The following UBE3C variants were observed in gnomAD, a reference collection of about 807,000 sequenced individuals.
The protein encoded by UBE3C is ubiquitin protein ligase E3C.
UBE3C carries 42 observed loss-of-function variants against 129.4 expected under a neutral mutation model. That is an observed-to-expected ratio of 0.32 (90% confidence interval 0.25 to 0.42). The LOEUF is 0.42. UBE3C is among the 10% of genes least tolerant of loss of function. The probability of loss-of-function intolerance (pLI) is 1.00; values close to 1 mark genes in which losing one functional copy is unlikely to be tolerated. For missense variants in UBE3C, 1,049 were observed against 1,319.1 expected, an observed-to-expected ratio of 0.80 and a Z score of 3.17; for synonymous variants, 510 against 492.4, an observed-to-expected ratio of 1.04 and a Z score of -0.47.
chr7:157,225,586 G>T, intron 17 of UBE3C, 47 bp downstream of exon 17: 1 of 1,503,130 alleles, frequency 6.7e-7, no homozygotes, highest in South Asian at 1.4e-5. Flanking sequence ...GGAGGCTAGG[G>T]AATTGTTTTA....
intron 22 of UBE3C, among the ~76,000 whole-genome samples, chr7:157,262,281 G>GA (rs530707082): frequency 2.1e-4 from 31 of 145,054 alleles, no homozygotes; most frequent in East Asian, 1.2e-3. Context: ...ACTATAATTA[G>GA]AAAAAAAAAG....
At chr7:157,161,743 T>C (rs1240848864) in intron 1 of UBE3C, among the ~76,000 whole-genome samples, 1 of 152,074 alleles carries the variant, frequency 6.6e-6, no homozygotes, top group Non-Finnish European at 1.5e-5. Flanking sequence ...CATGAGCCAT[T>C]GCGCCAAGTC....
At chr7:157,150,033 A>G (rs573454663) in intron 1 of UBE3C, among the ~76,000 whole-genome samples, 1 of 152,316 alleles carries the variant, frequency 6.6e-6, no homozygotes, top group Non-Finnish European at 1.5e-5. Flanking sequence ...TGCTGAGGGC[A>G]TACAGACACT....
intron 10 of UBE3C, 117 bp downstream of exon 10, chr7:157,187,138 G>T: frequency 1.6e-5 from 19 of 1,200,718 alleles, no homozygotes; most frequent in Non-Finnish European, 2.0e-5. Flanking sequence ...ATTGATGTAG[G>T]ATATTCTACT....
intron 10 of UBE3C, among the ~76,000 whole-genome samples, chr7:157,191,048 G>T (rs1018779046): frequency 6.6e-6 from 1 of 152,164 alleles, no homozygotes; most frequent in African/African-American, 2.4e-5. Context: ...AGGGGTCGAA[G>T]AGGTTGATGT....
At chr7:157,249,398 C>T (rs1041846869) in intron 19 of UBE3C, among the ~76,000 whole-genome samples, 1 of 152,164 alleles carries the variant, frequency 6.6e-6, no homozygotes, top group Non-Finnish European at 1.5e-5. Flanking sequence ...TCACCACAAC[C>T]TCCACCTCCC....
chr7:157,220,919 T>C, intron 15 of UBE3C, 143 bp downstream of exon 15: 1 of 975,102 alleles, frequency 1.0e-6, no homozygotes, highest in Non-Finnish European at 1.5e-6. Context: ...AAAAGTTTCA[T>C]CACCCACAAA....
chr7:157,159,640 G>A (rs1348772299), intron 1 of UBE3C, among the ~76,000 whole-genome samples: 1 of 152,222 alleles, frequency 6.6e-6, no homozygotes, highest in Non-Finnish European at 1.5e-5. Flanking sequence ...GGCTGAGACG[G>A]GTGGATCACT....
chr7:157,245,910 G>A (rs1796460039), intron 18 of UBE3C, among the ~76,000 whole-genome samples: 4 of 145,634 alleles, frequency 2.7e-5, no homozygotes, highest in African/African-American at 1.0e-4. Flanking sequence ...AGAATCGCTT[G>A]AACTCGGGAG....
In UBE3C at chr7:157,235,755, A is replaced by G. The variant is rs186038410; in HGVS notation, c.2481+4428A>G. Among the ~76,000 whole-genome samples the G allele has an allele frequency of 2.6e-5, 4 of 152,352 alleles. No individual in the cohort carries two copies. The East Asian group carries it at 7.7e-4, about 29-fold the overall frequency. The stretch of plus-strand genomic sequence containing the variant: ...AGGATGGTAGTTAACTTAGTTTCAC[A>G]TATTTAAGACTTCCCTTACATTACT... On this transcript the variant is annotated intron_variant, in intron 18 of 22. Transcript: ENST00000348165.
chr7:157,152,760 CT>C (rs1417622677), intron 1 of UBE3C, among the ~76,000 whole-genome samples: 1 of 152,174 alleles, frequency 6.6e-6, no homozygotes, highest in Non-Finnish European at 1.5e-5. Flanking sequence ...GCCGGCACAT[CT>C]TGCTTCTGTC....
At chr7:157,183,375 G>A (rs192415242) in intron 8 of UBE3C, among the ~76,000 whole-genome samples, 41 of 152,274 alleles carry the variant, frequency 2.7e-4, no homozygotes, top group African/African-American at 9.1e-4. Flanking sequence ...TCGGGAAGTC[G>A]AGGTGTGCGG....
At chr7:157,250,425 G>A (rs986378518) in intron 19 of UBE3C, among the ~76,000 whole-genome samples, 15 of 151,946 alleles carry the variant, frequency 9.9e-5, no homozygotes, top group Admixed American at 3.3e-4. Context: ...GAGCTCAAGC[G>A]ATCCTCCTGC....
intron 5 of UBE3C, among the ~76,000 whole-genome samples, chr7:157,175,311 T>G (rs980274065): frequency 7.9e-5 from 12 of 152,126 alleles, no homozygotes; most frequent in Non-Finnish European, 1.5e-4. Flanking sequence ...GCCATCCTGG[T>G]TACTGGAGAA....
intron 13 of UBE3C, among the ~76,000 whole-genome samples, chr7:157,210,141 C>T (rs919349654): frequency 1.3e-5 from 2 of 152,138 alleles, no homozygotes; most frequent in Non-Finnish European, 2.9e-5. Flanking sequence ...AGCGCCACTG[C>T]ACTCCAGCCT....
chr7:157,255,764 T>C, intron 21 of UBE3C, among the ~76,000 whole-genome samples: 1 of 152,190 alleles, frequency 6.6e-6, no homozygotes, highest in South Asian at 2.1e-4. Context: ...AGCAATTATT[T>C]TAGGTTTAGG....
At chr7:157,179,697 T>C (rs1808618667) in intron 6 of UBE3C, among the ~76,000 whole-genome samples, 1 of 152,182 alleles carries the variant, frequency 6.6e-6, no homozygotes, top group Non-Finnish European at 1.5e-5. Context: ...GACAGAATTA[T>C]AAGCAGCTGT....
At position 157,170,308 on chromosome 7, in the gene UBE3C, C is replaced by T; in HGVS notation, c.200C>T (p.Ser67Phe). 1 of 1,492,072 alleles carries T rather than the reference C, an allele frequency of 6.7e-7. No individual in the cohort carries two copies. The highest frequency in any genetic ancestry group is 8.9e-7 in the Non-Finnish European group (1 of 1,122,780). The allele number at this position is 1,492,072 out of a possible 1,614,324, so 92.4% of individuals were successfully genotyped here. Reference protein sequence around the residue: ...RGYRDRKQQYSIQRSAFDRCA... With the variant: ...RGYRDRKQQYFIQRSAFDRCA... Reference sequence around the variant, plus strand: ...TTTGTTTTGTTTTTCTTCCAGTATTCCATCCAAAGAAGTGCATTTGATCGC... The same window carrying T: ...TTTGTTTTGTTTTTCTTCCAGTATTTCATCCAAAGAAGTGCATTTGATCGC... The change falls in exon 4 of 23, where the codon TCC (serine) becomes TTC (phenylalanine). Residue 67 changes from serine (S) to phenylalanine (F), a missense_variant. Around this residue, in one of 4 missense-constraint regions of UBE3C, gnomAD observed 489 missense variants for 513.8 expected, o/e 0.95. Transcript: ENST00000348165.
At chr7:157,214,002 C>T (rs936136031) in intron 13 of UBE3C, among the ~76,000 whole-genome samples, 3 of 152,062 alleles carry the variant, frequency 2.0e-5, no homozygotes, top group African/African-American at 7.2e-5. Context: ...GTTTATTAAA[C>T]CATCCATTAC....
Sources: gnomAD v4.1 joint callset for allele counts (sites outside exome capture counted in the v4.1 genomes callset) on GRCh38, gnomAD v4.1.1 for gene constraint, gnomAD v4.1.1 regional missense constraint, MANE v1.5 for transcripts, NCBI Gene and HGNC (gene_info 2026-07-23, HGNC 2026-07-21) for gene names.